The following APP variants were observed in gnomAD, a reference collection of about 807,000 sequenced individuals.
APP encodes amyloid beta precursor protein.
A neutral mutation model predicts 101.4 loss-of-function variants in APP; 31 were observed. The ratio of observed to expected loss-of-function variants is 0.31; its 90% CI spans 0.23 to 0.41. The LOEUF is 0.41. APP is among the 10% of genes least tolerant of loss of function. The pLI, the probability that APP is intolerant of heterozygous loss-of-function variation, is 1.00. For synonymous variants in APP, 366 were observed against 364.4 expected (o/e 1.00, Z -0.05); for missense variants, 839 against 1,003.7 (o/e 0.84, Z 2.22).
intron 1 of APP, among the ~76,000 whole-genome samples, chr21:26,131,425 G>A (rs558540579): frequency 3.3e-5 from 5 of 152,152 alleles, no homozygotes; most frequent in East Asian, 3.9e-4. Flanking sequence ...AGACAATTGC[G>A]CATAGAGCAA....
At chr21:26,005,684 CAA>C (rs1468592519) in intron 6 of APP, among the ~76,000 whole-genome samples, 1 of 152,174 alleles carries the variant, frequency 6.6e-6, no homozygotes, top group African/African-American at 2.4e-5. Flanking sequence ...AAAAATATCT[CAA>C]GAGAGAGTTC....
chr21:26,147,069 T>C (rs1375994300), intron 1 of APP, among the ~76,000 whole-genome samples: 1 of 152,256 alleles, frequency 6.6e-6, no homozygotes, highest in African/African-American at 2.4e-5. Flanking sequence ...ATGCATGGGA[T>C]GTGCAGTTTT....
chr21:26,142,497 G>A (rs950123446), intron 1 of APP, among the ~76,000 whole-genome samples: 2 of 152,178 alleles, frequency 1.3e-5, no homozygotes, highest in East Asian at 1.9e-4. Flanking sequence ...GGCCAGGCAC[G>A]GTGGTTGATG....
intron 2 of APP, among the ~76,000 whole-genome samples, chr21:26,097,487 T>G (rs1322690596): frequency 2.3e-5 from 3 of 132,122 alleles, no homozygotes; most frequent in Non-Finnish European, 4.8e-5. Context: ...TAAGATATTC[T>G]AAATAGTTGT....
chr21:25,898,715 C>G (rs1019426987), intron 15 of APP, among the ~76,000 whole-genome samples: 3 of 152,172 alleles, frequency 2.0e-5, no homozygotes, highest in Non-Finnish European at 4.4e-5. Context: ...CAGAGCAAGC[C>G]TAATCCTCCC....
At chr21:25,940,343 A>G (rs941193042) in intron 13 of APP, among the ~76,000 whole-genome samples, 8 of 152,172 alleles carry the variant, frequency 5.3e-5, no homozygotes, top group Admixed American at 1.3e-4. Context: ...TACGGTGCTA[A>G]AATTAGAAAA....
At position 25,897,555 on chromosome 21, in the gene APP, G is replaced by C. The variant is rs937358841; in HGVS notation, c.2064+18C>G. ...GCAAGACAAACAGTAGTGGAAAGAG[G>C]TAAATTATTTTACGTACCAATTTTT... On this transcript the variant is annotated intron_variant, in intron 16 of 17. Coordinates refer to ENST00000346798, the MANE Select transcript of APP (RefSeq NM_000484.4). 1.9e-6 allele frequency: 3 copies of C among 1,576,976 alleles called. No individual in the cohort carries two copies. Among genetic ancestry groups the C allele is most frequent in the Non-Finnish European group, 2.6e-6 (3 of 1,146,260 alleles).
chr21:26,045,108 AG>A (rs1326208618), intron 5 of APP, among the ~76,000 whole-genome samples: 1 of 152,208 alleles, frequency 6.6e-6, no homozygotes, highest in African/African-American at 2.4e-5. Flanking sequence ...GCAGAAAAAA[AG>A]GGGGAAAAAA....
chr21:25,973,164 CA>C (rs34239681), intron 11 of APP, among the ~76,000 whole-genome samples: 57 of 146,678 alleles, frequency 3.9e-4, no homozygotes, highest in Middle Eastern at 3.5e-3. Context: ...CTAATTAATC[CA>C]AAAAAAAAAG....
In APP at chr21:25,881,454, G is replaced by A. The variant is rs908163637; in HGVS notation, c.*216C>T. ...CAAAACCCATTAATAATGTAGTATA[G>A]AGACCAAAATGTAAAGAGAGATAGA... On this transcript the variant is annotated 3_prime_UTR_variant, in exon 18 of 18. Coordinates refer to ENST00000346798, the MANE Select transcript of APP (RefSeq NM_000484.4). The A allele has an allele frequency of 1.6e-6, 1 of 623,270 alleles. No individual in the cohort carries two copies. The highest frequency in any genetic ancestry group is 1.8e-5 in the African/African-American group (1 of 54,632). 38.6% of individuals were successfully genotyped at this position (623,270 alleles called of 1,614,324 possible). A position where few individuals can be genotyped will look rare whatever the true frequency, so the allele number is the denominator to read the frequency against.
intron 14 of APP, among the ~76,000 whole-genome samples, chr21:25,911,188 T>C (rs1247191438): frequency 6.6e-6 from 1 of 152,264 alleles, no homozygotes; most frequent in Non-Finnish European, 1.5e-5. Context: ...TAATATGATA[T>C]ACAGTACATG....
intron 2 of APP, among the ~76,000 whole-genome samples, chr21:26,097,954 C>T (rs2061982354): frequency 6.6e-6 from 1 of 151,726 alleles, no homozygotes; most frequent in Non-Finnish European, 1.5e-5. Context: ...GTGGCAGGCG[C>T]CTGTAGTCTC....
chr21:25,965,794 T>G (rs764034603), intron 11 of APP, among the ~76,000 whole-genome samples: 4 of 152,218 alleles, frequency 2.6e-5, no homozygotes, highest in Non-Finnish European at 5.9e-5. Context: ...AATGTGCTAT[T>G]TGTCTACAAA....
chr21:26,049,178 G>C (rs148048526), intron 5 of APP, among the ~76,000 whole-genome samples: 1 of 152,246 alleles, frequency 6.6e-6, no homozygotes, highest in Non-Finnish European at 1.5e-5. Context: ...TGAAGCCTGG[G>C]GGTGTGGGGG....
At chr21:26,007,581 C>T (rs1343245082) in intron 6 of APP, among the ~76,000 whole-genome samples, 2 of 150,692 alleles carry the variant, frequency 1.3e-5, no homozygotes, top group African/African-American at 4.9e-5. Context: ...ATTTTTTTAG[C>T]CTAAGTTATT....
At chr21:25,988,075 CAG>C (rs1306462913) in intron 8 of APP, among the ~76,000 whole-genome samples, 1 of 152,118 alleles carries the variant, frequency 6.6e-6, no homozygotes, top group Non-Finnish European at 1.5e-5. Context: ...AGCGACCAGG[CAG>C]AGTCTTAAGT....
intron 1 of APP, among the ~76,000 whole-genome samples, chr21:26,114,255 C>T (rs971747697): frequency 1.3e-5 from 2 of 152,174 alleles, no homozygotes; most frequent in East Asian, 3.8e-4. Flanking sequence ...TCCATTTCCT[C>T]CCCGCAAGGA....
At chr21:25,883,054 G>A (rs2037091485) in intron 17 of APP, among the ~76,000 whole-genome samples, 1 of 152,162 alleles carries the variant, frequency 6.6e-6, no homozygotes, top group African/African-American at 2.4e-5. Flanking sequence ...TCTCGAGATG[G>A]AGCTAGATAT....
chr21:25,969,408 T>C (rs1052281735), intron 11 of APP, among the ~76,000 whole-genome samples: 1 of 148,190 alleles, frequency 6.7e-6, no homozygotes, highest in Non-Finnish European at 1.5e-5. Flanking sequence ...CCTGCCAAAG[T>C]GCAGACCTAA....
Sources: allele counts gnomAD v4.1 joint callset (sites outside exome capture counted in the v4.1 genomes callset), GRCh38; gene constraint gnomAD v4.1.1; transcripts MANE v1.5; gene names NCBI Gene and HGNC (gene_info 2026-07-23, HGNC 2026-07-21).